PCOLCE2: variants seen among roughly 807,000 people sequenced by gnomAD.
The protein encoded by PCOLCE2 is procollagen C-proteinase enhancer 2.
PCOLCE2 carries 42 observed loss-of-function variants against 47.0 expected under a neutral mutation model. The observed-to-expected ratio is 0.89, with a 90% CI of 0.70 to 1.16. The LOEUF (loss-of-function observed/expected upper bound fraction) is 1.16, where lower values mean the gene tolerates loss of function less well. Ranked by LOEUF, PCOLCE2 falls within the 50% of genes most tolerant of loss-of-function variation. The pLI, the probability that PCOLCE2 is intolerant of heterozygous loss-of-function variation, is 0.00. For missense variants in PCOLCE2, 500 were observed against 526.1 expected (o/e 0.95, Z 0.49); for synonymous variants, 169 against 191.7 (o/e 0.88, Z 0.98).
chr3:142,827,052 AC>A, intron 6 of PCOLCE2: 1 of 1,021,640 alleles, frequency 9.8e-7, no homozygotes, highest in Non-Finnish European at 1.5e-6. Context: ...GATGACTCTT[AC>A]TTTTTTTTGG....
intron 3 of PCOLCE2, among the ~76,000 whole-genome samples, chr3:142,845,585 T>C (rs545005355): frequency 6.6e-6 from 1 of 152,320 alleles, no homozygotes; most frequent in East Asian, 1.9e-4. Context: ...CTTTCAGAGA[T>C]TTTTAGTGTT....
At chr3:142,853,347 T>C (rs1932992443) in intron 2 of PCOLCE2, among the ~76,000 whole-genome samples, 1 of 152,022 alleles carries the variant, frequency 6.6e-6, no homozygotes, top group Admixed American at 6.6e-5. Flanking sequence ...AACCCGAAGG[T>C]GGGCTCTGTC....
At chr3:142,870,786 A>G (rs2108207870) in intron 2 of PCOLCE2, among the ~76,000 whole-genome samples, 1 of 150,700 alleles carries the variant, frequency 6.6e-6, no homozygotes, top group East Asian at 1.9e-4. Flanking sequence ...TTCAGCAGCG[A>G]GCACACCTAC....
chr3:142,818,258 A>ATTTTT lies in PCOLCE2; in HGVS notation c.*72_*76dup. The ATTTTT allele has an allele frequency of 7.8e-7, 1 of 1,279,524 alleles. No homozygotes were observed. The allele number at this position is 1,279,524 out of a possible 1,614,324, so 79.3% of individuals were successfully genotyped here. Reference sequence around the variant, plus strand: ...TTTCAGAATATGTAATTTTATAAGTATTTTTTTTTCTACTGAGAGAACATA... The same window carrying ATTTTT: ...TTTCAGAATATGTAATTTTATAAGTATTTTTTTTTTTTTTCTACTGAGAGAACATA... On this transcript the variant is annotated 3_prime_UTR_variant, in exon 9 of 9. Coordinates refer to ENST00000295992, the MANE Select transcript of PCOLCE2 (RefSeq NM_013363.4).
chr3:142,887,430 C>A (rs1024378093), intron 2 of PCOLCE2: 2 of 369,430 alleles, frequency 5.4e-6, no homozygotes, highest in African/African-American at 4.2e-5. Flanking sequence ...AGAAACACAT[C>A]TGCTCTGAGA....
rs527975904 is a variant in PCOLCE2 at position 142,828,043 on chromosome 3, C to T, written c.865+1649G>A. Among the ~76,000 whole-genome samples, 60 of 152,352 alleles carry T rather than the reference C, an allele frequency of 3.9e-4. 2 individuals are homozygous for T. In the South Asian group the frequency reaches 0.012, roughly 32 times the overall value. ...CTCTCTCTGAATTTGTGCCATAGCA[C>T]AGTTCGCCTGGACCAGCACGAGACT... is the stretch of plus-strand genomic sequence containing the variant. On this transcript the variant is annotated intron_variant, in intron 6 of 8. Coordinates refer to ENST00000295992, the MANE Select transcript of PCOLCE2 (RefSeq NM_013363.4).
intron 5 of PCOLCE2, among the ~76,000 whole-genome samples, chr3:142,833,582 C>G (rs1285310004): frequency 2.0e-5 from 3 of 151,004 alleles, no homozygotes; most frequent in African/African-American, 4.9e-5. Context: ...TAAGAATTCT[C>G]TTGTTGATAA....
At chr3:142,853,438 G>A (rs1300130093) in intron 2 of PCOLCE2, among the ~76,000 whole-genome samples, 1 of 152,182 alleles carries the variant, frequency 6.6e-6, no homozygotes, top group Non-Finnish European at 1.5e-5. Flanking sequence ...TCAACCTCGA[G>A]GGGGCAAGGA....
intron 2 of PCOLCE2, among the ~76,000 whole-genome samples, chr3:142,883,723 G>T (rs1478239994): frequency 1.3e-5 from 2 of 151,468 alleles, no homozygotes; most frequent in East Asian, 3.9e-4. Flanking sequence ...ACACATATTT[G>T]TGTCGAATCA....
intron 1 of PCOLCE2, among the ~76,000 whole-genome samples, chr3:142,888,496 C>T (rs1933757020): frequency 6.6e-6 from 1 of 152,278 alleles, no homozygotes; most frequent in South Asian, 2.1e-4. Context: ...CCCAGTGCTT[C>T]CCTCTGGCCC....
intron 5 of PCOLCE2, among the ~76,000 whole-genome samples, chr3:142,838,564 C>T (rs1937229887): frequency 1.3e-5 from 2 of 152,148 alleles, no homozygotes; most frequent in Non-Finnish European, 2.9e-5. Flanking sequence ...ATGCAGAACC[C>T]TGAGCCAATT....
intron 6 of PCOLCE2, among the ~76,000 whole-genome samples, chr3:142,826,762 C>T (rs1028278989): frequency 2.0e-5 from 3 of 152,148 alleles, no homozygotes; most frequent in South Asian, 2.1e-4. Flanking sequence ...TGAAACCAAA[C>T]GGAAACACTG....
At chr3:142,831,585 G>A (rs1937152897) in intron 5 of PCOLCE2, among the ~76,000 whole-genome samples, 1 of 152,086 alleles carries the variant, frequency 6.6e-6, no homozygotes, top group East Asian at 1.9e-4. Flanking sequence ...AGCCTTTCAC[G>A]AAAATATTCT....
intron 2 of PCOLCE2, among the ~76,000 whole-genome samples, chr3:142,878,700 C>T (rs1341960602): frequency 6.6e-6 from 1 of 152,070 alleles, no homozygotes. Context: ...ACTAAAAATA[C>T]AAAAATTATC....
At position 142,846,230 on chromosome 3, in the gene PCOLCE2, G is replaced by T. The variant is rs142301568; in HGVS notation, c.448+1987C>A. On this transcript the variant is annotated intron_variant, in intron 3 of 8. Coordinates refer to ENST00000295992, the MANE Select transcript of PCOLCE2 (RefSeq NM_013363.4). Reference sequence around the variant, plus strand: ...TTATTTATTTTTTAGATGGAATCTCGCTCTGTTGCCCAGGTTGGAGGGCAG... The same window carrying T: ...TTATTTATTTTTTAGATGGAATCTCTCTCTGTTGCCCAGGTTGGAGGGCAG... Among the ~76,000 whole-genome samples, 969 of 151,988 alleles carry T rather than the reference G, an allele frequency of 6.4e-3. 12 individuals carry two copies. The highest frequency in any genetic ancestry group is 0.02 in the African/African-American group (847 of 41,442).
intron 2 of PCOLCE2, among the ~76,000 whole-genome samples, chr3:142,876,402 G>T (rs1933498931): frequency 6.6e-6 from 1 of 152,194 alleles, no homozygotes; most frequent in Non-Finnish European, 1.5e-5. Context: ...AGGAAACTGA[G>T]GCACAGGGAG....
chr3:142,838,671 A>G, intron 5 of PCOLCE2, 99 bp downstream of exon 5: 1 of 1,077,886 alleles, frequency 9.3e-7, no homozygotes, highest in East Asian at 2.4e-5. Context: ...AAACAACAAC[A>G]ACATAAAATC....
chr3:142,880,872 A>T (rs935886167), intron 2 of PCOLCE2, among the ~76,000 whole-genome samples: 4 of 152,242 alleles, frequency 2.6e-5, no homozygotes, highest in Middle Eastern at 3.2e-3. Flanking sequence ...GTCTTAGAGT[A>T]GCACACAAGT....
intron 3 of PCOLCE2, chr3:142,846,645 C>G (rs887025057): frequency 1.3e-5 from 2 of 152,148 alleles, no homozygotes; most frequent in African/African-American, 2.4e-5. Flanking sequence ...ACTGGTTTCT[C>G]GAGCTCTTTT....
Sources: allele counts gnomAD v4.1 joint callset (sites outside exome capture counted in the v4.1 genomes callset), GRCh38; gene constraint gnomAD v4.1.1; transcripts MANE v1.5; gene names NCBI Gene and HGNC (gene_info 2026-07-23, HGNC 2026-07-21).